Variants in DDX10 observed in about 807,000 individuals in gnomAD.
DDX10 encodes the protein DEAD-box helicase 10.
DDX10 carries 74 observed loss-of-function variants against 104.3 expected under a neutral mutation model. That is an observed-to-expected ratio of 0.71 (90% CI 0.59 to 0.86). The LOEUF is 0.86. Ranked by LOEUF, DDX10 falls within the 40% of genes least tolerant of loss-of-function variation. The pLI is 0.00. For synonymous variants in DDX10, 351 were observed against 353.4 expected, an observed-to-expected ratio of 0.99 and a Z score of 0.08; for missense variants, 952 against 1,040.0, an observed-to-expected ratio of 0.92 and a Z score of 1.16.
At position 108,761,011 on chromosome 11, in the gene DDX10, T is replaced by C. The variant is rs539394150; in HGVS notation, c.1965+37549T>C. Among the ~76,000 whole-genome samples the C allele has an allele frequency of 7.9e-5, 12 of 152,200 alleles. No individual in the cohort carries two copies. The South Asian group carries it at 2.5e-3, about 32-fold the overall frequency. On this transcript the variant is annotated intron_variant, in intron 13 of 17. Coordinates refer to ENST00000322536, the MANE Select transcript of DDX10 (RefSeq NM_004398.4). Reference sequence around the variant, plus strand: ...ATTCTAACAGTGTAACAAAATTTAATCTAATATATAATACTTTAACCATAG... The same window carrying C: ...ATTCTAACAGTGTAACAAAATTTAACCTAATATATAATACTTTAACCATAG...
chr11:108,792,445 G>A (rs1018700419), intron 13 of DDX10, among the ~76,000 whole-genome samples: 6 of 152,178 alleles, frequency 3.9e-5, no homozygotes, highest in Admixed American at 1.3e-4. Flanking sequence ...TATGGCATGA[G>A]TGAAGTTTCA....
intron 13 of DDX10, among the ~76,000 whole-genome samples, chr11:108,742,908 A>G (rs1178344410): frequency 6.6e-6 from 1 of 152,128 alleles, no homozygotes; most frequent in East Asian, 1.9e-4. Context: ...AAGTCTACCA[A>G]CCAGAAAAAG....
intron 9 of DDX10, among the ~76,000 whole-genome samples, chr11:108,700,582 G>A (rs959118042): frequency 6.6e-6 from 1 of 152,190 alleles, no homozygotes; most frequent in Non-Finnish European, 1.5e-5. Context: ...TCATGAAGAC[G>A]AACTAGTATA....
At chr11:108,695,230 G>C (rs1466013085) in intron 9 of DDX10, among the ~76,000 whole-genome samples, 1 of 152,160 alleles carries the variant, frequency 6.6e-6, no homozygotes, top group African/African-American at 2.4e-5. Context: ...AATTTATTAT[G>C]ATCTTTAGAT....
intron 15 of DDX10, among the ~76,000 whole-genome samples, 162 bp from the exon 16 acceptor site, chr11:108,851,991 C>T (rs540081630): frequency 6.6e-6 from 1 of 152,234 alleles, no homozygotes; most frequent in East Asian, 1.9e-4. Context: ...CTTAATGATT[C>T]ATGAATACTT....
intron 13 of DDX10, among the ~76,000 whole-genome samples, chr11:108,756,615 T>C (rs2094344726): frequency 6.6e-6 from 1 of 152,092 alleles, no homozygotes; most frequent in Admixed American, 6.6e-5. Flanking sequence ...CTGTAATGTC[T>C]TTGTGGGTCA....
At chr11:108,873,270 T>C (rs1863106495) in intron 16 of DDX10, among the ~76,000 whole-genome samples, 1 of 152,164 alleles carries the variant, frequency 6.6e-6, no homozygotes, top group African/African-American at 2.4e-5. Context: ...AAGGTCAAGT[T>C]TGAGAAAAAC....
chr11:108,679,483 T>C lies in DDX10; in HGVS notation c.771T>C (p.Thr257=), dbSNP rs751721202. The C allele has an allele frequency of 1.2e-6, 2 of 1,613,904 alleles. No homozygotes were observed. Among genetic ancestry groups the C allele is most frequent in the Non-Finnish European group, 1.7e-6 (2 of 1,179,976 alleles). The change falls in exon 6 of 18, where the codon ACT becomes ACC. Residue 257 remains threonine (T), a synonymous_variant. Coordinates refer to ENST00000322536, the MANE Select transcript of DDX10 (RefSeq NM_004398.4). ...CTTTACTTTTCTCAGCAACACAAAC[T>C]AAATCTGTAAAGGACCTTGCACGCT... is the stretch of plus-strand genomic sequence containing the variant. ...RQTLLFSATQ[T]KSVKDLARLS...
chr11:108,694,418 A>G (rs2094256898), intron 9 of DDX10, among the ~76,000 whole-genome samples: 1 of 152,180 alleles, frequency 6.6e-6, no homozygotes, highest in Non-Finnish European at 1.5e-5. Flanking sequence ...ATAGGCTAAT[A>G]AGAGGCTAAG....
chr11:108,934,899 G>A (rs1864017843), intron 17 of DDX10, among the ~76,000 whole-genome samples: 1 of 152,170 alleles, frequency 6.6e-6, no homozygotes, highest in Admixed American at 6.6e-5. Flanking sequence ...TGAGTGTTCT[G>A]GGGGTGCTCC....
chr11:108,778,057 A>G lies in DDX10; in HGVS notation c.1965+54595A>G, dbSNP rs560087884. On this transcript the variant is annotated intron_variant, in intron 13 of 17. Coordinates refer to ENST00000322536, the MANE Select transcript of DDX10 (RefSeq NM_004398.4). ...GCAAAATAAAAGAGGACACAAACAC[A>G]TGGAAGAACATTGCATGCTCATGGA... 1.3e-4 allele frequency among the ~76,000 whole-genome samples: 20 copies of G among 152,364 alleles called. No individual in the cohort carries two copies. The South Asian group carries it at 2.3e-3, about 17-fold the overall frequency.
intron 13 of DDX10, among the ~76,000 whole-genome samples, chr11:108,798,595 C>T (rs1364698219): frequency 6.6e-6 from 1 of 152,138 alleles, no homozygotes; most frequent in Non-Finnish European, 1.5e-5. Flanking sequence ...ATCGTGTTCT[C>T]CCTCTTGTAG....
chr11:108,794,810 A>G (rs1861917000), intron 13 of DDX10, among the ~76,000 whole-genome samples: 1 of 150,768 alleles, frequency 6.6e-6, no homozygotes, highest in Non-Finnish European at 1.5e-5. Context: ...CTGTTCCCCT[A>G]TAGTTTTTTC....
At chr11:108,846,314 A>G (rs1862717009) in intron 15 of DDX10, among the ~76,000 whole-genome samples, 1 of 152,170 alleles carries the variant, frequency 6.6e-6, no homozygotes, top group African/African-American at 2.4e-5. Context: ...TATATAATAC[A>G]TTATTATTAA....
At chr11:108,843,802 C>T (rs1362596862) in intron 15 of DDX10, among the ~76,000 whole-genome samples, 2 of 151,808 alleles carry the variant, frequency 1.3e-5, no homozygotes, top group Non-Finnish European at 2.9e-5. Context: ...CTGCCTATAT[C>T]TGTCTGTCTT....
intron 13 of DDX10, among the ~76,000 whole-genome samples, chr11:108,832,470 C>T (rs1479899180): frequency 6.6e-6 from 1 of 152,090 alleles, no homozygotes; most frequent in Admixed American, 6.6e-5. Flanking sequence ...AGAGATTTCA[C>T]AACTTGATAA....
chr11:108,706,677 C>G, intron 9 of DDX10, 62 bp from the exon 10 acceptor site: 4 of 1,288,138 alleles, frequency 3.1e-6, no homozygotes, highest in Non-Finnish European at 4.5e-6. Flanking sequence ...ATGCATCACT[C>G]TGTTAAAATG....
At chr11:108,831,250 A>C (rs1317263219) in intron 13 of DDX10, among the ~76,000 whole-genome samples, 1 of 151,898 alleles carries the variant, frequency 6.6e-6, no homozygotes, top group East Asian at 1.9e-4. Flanking sequence ...CAAAAAATAT[A>C]AAAATTAGCC....
intron 16 of DDX10, among the ~76,000 whole-genome samples, chr11:108,890,174 A>G (rs1413599063): frequency 6.6e-6 from 1 of 152,216 alleles, no homozygotes; most frequent in East Asian, 1.9e-4. Flanking sequence ...GGATAAATGC[A>G]GGTTCATAGA....
Sources: gnomAD v4.1 joint callset for allele counts (sites outside exome capture counted in the v4.1 genomes callset) on GRCh38, gnomAD v4.1.1 for gene constraint, MANE v1.5 for transcripts, NCBI Gene and HGNC (gene_info 2026-07-23, HGNC 2026-07-21) for gene names.